GRID1: variants seen among roughly 807,000 people sequenced by gnomAD.
GRID1 encodes the protein glutamate receptor ionotropic, delta-1.
GRID1 carries 28 observed loss-of-function variants against 98.0 expected under a neutral mutation model. The ratio of observed to expected loss-of-function variants is 0.29; its 90% CI spans 0.21 to 0.39. The LOEUF (loss-of-function observed/expected upper bound fraction) is 0.39, where lower values mean the gene tolerates loss of function less well. Among genes scored for constraint, GRID1 ranks in the 10% least tolerant of loss-of-function variants. GRID1 has a pLI of 1.00. For synonymous variants in GRID1, 553 were observed against 538.5 expected, an observed-to-expected ratio of 1.03 and a Z score of -0.37; for missense variants, 1,111 against 1,340.5, an observed-to-expected ratio of 0.83 and a Z score of 2.67.
intron 3 of GRID1, among the ~76,000 whole-genome samples, chr10:86,162,224 C>T (rs1450782615): frequency 6.6e-6 from 1 of 152,060 alleles, no homozygotes; most frequent in African/African-American, 2.4e-5. Context: ...GGCAGCAAGG[C>T]CCAGGGAGGA....
intron 12 of GRID1, 27 bp downstream of exon 12, chr10:85,722,976 C>A: frequency 6.3e-7 from 1 of 1,592,614 alleles, no homozygotes; most frequent in Non-Finnish European, 8.6e-7. Flanking sequence ...GAGCTGCTGG[C>A]TCCAGATCAA....
intron 8 of GRID1, among the ~76,000 whole-genome samples, chr10:85,753,334 G>A (rs927391668): frequency 6.6e-5 from 10 of 152,222 alleles, no homozygotes; most frequent in African/African-American, 2.2e-4. Flanking sequence ...AGACTGACAT[G>A]TAGACAGTGA....
intron 5 of GRID1, among the ~76,000 whole-genome samples, chr10:85,883,993 T>G (rs1321671824): frequency 1.3e-5 from 2 of 152,186 alleles, no homozygotes; most frequent in African/African-American, 2.4e-5. Context: ...TTCTTAGACT[T>G]TATCTCATAC....
chr10:86,323,004 A>G (rs1847992695), intron 2 of GRID1, among the ~76,000 whole-genome samples: 1 of 151,774 alleles, frequency 6.6e-6, no homozygotes, highest in Admixed American at 6.6e-5. Flanking sequence ...CCGAGGCAGG[A>G]GAATCACTTG....
intron 2 of GRID1, among the ~76,000 whole-genome samples, chr10:86,360,922 C>A (rs184585287): frequency 1.3e-5 from 2 of 152,378 alleles, no homozygotes; most frequent in East Asian, 3.9e-4. Flanking sequence ...GACAGCACCA[C>A]TCCACTGAGA....
chr10:86,106,237 C>T (rs1199646107), intron 4 of GRID1, among the ~76,000 whole-genome samples: 1 of 152,190 alleles, frequency 6.6e-6, no homozygotes, highest in Admixed American at 6.5e-5. Flanking sequence ...TGGAAACAGT[C>T]ACAATGTCCA....
chr10:86,102,062 A>G (rs1184787980), intron 4 of GRID1, among the ~76,000 whole-genome samples: 1 of 152,236 alleles, frequency 6.6e-6, no homozygotes, highest in Non-Finnish European at 1.5e-5. Context: ...AACAAAAGGC[A>G]TAAGTGGGGA....
chr10:85,858,624 G>A (rs1484041349), intron 6 of GRID1, among the ~76,000 whole-genome samples: 3 of 152,212 alleles, frequency 2.0e-5, no homozygotes, highest in East Asian at 1.9e-4. Flanking sequence ...TTTAGAATTG[G>A]TTTGTTGTTT....
intron 4 of GRID1, among the ~76,000 whole-genome samples, chr10:85,935,473 C>T (rs1051653381): frequency 3.3e-5 from 5 of 152,318 alleles, no homozygotes; most frequent in East Asian, 1.9e-4. Context: ...CCAGTATACA[C>T]GCAGAGTATC....
Position 85,613,452 on chromosome 10 carries a change from C to G in GRID1, c.2556G>C (p.Glu852Asp), listed in dbSNP as rs905442823. 1.5e-5 allele frequency: 25 copies of G among 1,613,928 alleles called. No individual in the cohort carries two copies. The highest frequency in any genetic ancestry group is 2.0e-5 in the Non-Finnish European group (24 of 1,180,020). ...GGCACCGGTTGCTGTTCCACCACAA[C>G]TCCAGGGCAGCCACCAGGCAGGCCA... ...LLLACLVAAL[E>D]LWWNSNRCHQ... The change falls in exon 15 of 16, where the codon GAG becomes GAC. Residue 852 changes from glutamate to aspartate, a missense_variant. Transcript: ENST00000327946.
chr10:86,363,374 GGCTCCTCCAAACCTGGTGGAGGAGCGCT>G (rs1382947029), intron 2 of GRID1, among the ~76,000 whole-genome samples: 1 of 152,156 alleles, frequency 6.6e-6, no homozygotes, highest in African/African-American at 2.4e-5. Context: ...GAGAGAAACC[GGCTCCTCCAAACCTGGTGGAGGAGCGCT>G]GCAGAGAAGC....
intron 12 of GRID1, among the ~76,000 whole-genome samples, chr10:85,719,448 G>C (rs749540005): frequency 2.0e-5 from 3 of 152,200 alleles, no homozygotes; most frequent in Non-Finnish European, 4.4e-5. Context: ...GTTTTAATTG[G>C]ACTTACAGTT....
At chr10:85,668,729 C>T (rs1841051522) in intron 12 of GRID1, among the ~76,000 whole-genome samples, 1 of 152,226 alleles carries the variant, frequency 6.6e-6, no homozygotes, top group Admixed American at 6.5e-5. Flanking sequence ...TGCTAGAAAA[C>T]CTGCCATTGC....
intron 2 of GRID1, among the ~76,000 whole-genome samples, chr10:86,249,405 CCCACAACTCATCCTCT>C (rs1436350828): frequency 1.3e-5 from 2 of 152,166 alleles, no homozygotes; most frequent in African/African-American, 4.8e-5. Flanking sequence ...ACCCTCATAT[CCCACAACTCATCCTCT>C]CCAGTCTCTG....
chr10:86,033,676 G>A (rs1001084059), intron 4 of GRID1, among the ~76,000 whole-genome samples: 1 of 152,164 alleles, frequency 6.6e-6, no homozygotes, highest in African/African-American at 2.4e-5. Context: ...CTCTCAGTTG[G>A]CCACTGGGCC....
intron 3 of GRID1, among the ~76,000 whole-genome samples, chr10:86,176,496 G>T: frequency 6.6e-6 from 1 of 152,252 alleles, no homozygotes; most frequent in East Asian, 1.9e-4. Flanking sequence ...GCCTGTGCAT[G>T]CGCTGAGAGC....
At chr10:86,355,298 C>T (rs1419751225) in intron 2 of GRID1, among the ~76,000 whole-genome samples, 1 of 152,248 alleles carries the variant, frequency 6.6e-6, no homozygotes. Flanking sequence ...CCCACGGATG[C>T]TCCAGTGGAG....
At chr10:85,990,131 G>A (rs1008797291) in intron 4 of GRID1, among the ~76,000 whole-genome samples, 3 of 152,052 alleles carry the variant, frequency 2.0e-5, no homozygotes, top group African/African-American at 2.4e-5. Flanking sequence ...ATAACAGTTC[G>A]AACAAACAAG....
At chr10:86,359,656 T>C (rs1472720360) in intron 2 of GRID1, among the ~76,000 whole-genome samples, 1 of 152,246 alleles carries the variant, frequency 6.6e-6, no homozygotes, top group Non-Finnish European at 1.5e-5. Flanking sequence ...CTGCGACAGG[T>C]ATATCTACAG....
Sources: gnomAD v4.1 joint callset for allele counts (sites outside exome capture counted in the v4.1 genomes callset) on GRCh38, gnomAD v4.1.1 for gene constraint, MANE v1.5 for transcripts, NCBI Gene and HGNC (gene_info 2026-07-23, HGNC 2026-07-21) for gene names.